XYLT1: variants seen among roughly 807,000 people sequenced by gnomAD.
The protein encoded by XYLT1 is xylosyltransferase 1.
In XYLT1, 36 loss-of-function variants were observed where a neutral mutation model predicts 91.3. The observed-to-expected ratio is 0.39, with a 90% CI of 0.30 to 0.52. The LOEUF (loss-of-function observed/expected upper bound fraction) is 0.52. Among genes scored for constraint, XYLT1 ranks in the 20% least tolerant of loss-of-function variants. The probability of loss-of-function intolerance (pLI) is 0.68; values close to 1 mark genes in which losing one functional copy is unlikely to be tolerated. For synonymous variants in XYLT1, 588 were observed against 532.0 expected (o/e 1.11, Z -1.45); for missense variants, 1,242 against 1,284.5 (o/e 0.97, Z 0.51).
chr16:17,420,698 C>T (rs1415561410), intron 1 of XYLT1, among the ~76,000 whole-genome samples: 7 of 151,386 alleles, frequency 4.6e-5, no homozygotes, highest in Non-Finnish European at 1.0e-4. Flanking sequence ...TTTTTTTTTG[C>T]GAAGGGTGCA....
At chr16:17,371,678 G>A (rs1456487198) in intron 1 of XYLT1, among the ~76,000 whole-genome samples, 1 of 152,168 alleles carries the variant, frequency 6.6e-6, no homozygotes, top group Admixed American at 6.5e-5. Flanking sequence ...CTCCACAGAA[G>A]GAAGGAAGGA....
intron 1 of XYLT1, among the ~76,000 whole-genome samples, chr16:17,398,224 T>A (rs1452068308): frequency 2.0e-5 from 3 of 152,070 alleles, no homozygotes; most frequent in Non-Finnish European, 2.9e-5. Flanking sequence ...ATCTCAGGAG[T>A]CAGAGTGGGC....
intron 8 of XYLT1, chr16:17,137,421 A>AAGTAGCAT (rs1423893968): frequency 1.3e-5 from 2 of 152,098 alleles, no homozygotes; most frequent in Admixed American, 1.3e-4. Context: ...GTGGTTTGGG[A>AAGTAGCAT]AGTAGCATAC....
intron 1 of XYLT1, among the ~76,000 whole-genome samples, chr16:17,403,240 T>G (rs2035991033): frequency 6.6e-6 from 1 of 152,226 alleles, no homozygotes; most frequent in Non-Finnish European, 1.5e-5. Context: ...CTATAGCCAT[T>G]TGACAGATGA....
chr16:17,464,231 A>G (rs556063178), intron 1 of XYLT1, among the ~76,000 whole-genome samples: 2 of 152,156 alleles, frequency 1.3e-5, no homozygotes, highest in African/African-American at 4.8e-5. Flanking sequence ...GCTCACATCT[A>G]TAATCCCAGC....
At chr16:17,197,730 C>A (rs2032458228) in intron 5 of XYLT1, among the ~76,000 whole-genome samples, 1 of 152,200 alleles carries the variant, frequency 6.6e-6, no homozygotes, top group South Asian at 2.1e-4. Context: ...GCTTTGGGAT[C>A]TTTGGGCCTT....
At chr16:17,252,440 A>G (rs966635906) in intron 3 of XYLT1, among the ~76,000 whole-genome samples, 10 of 152,184 alleles carry the variant, frequency 6.6e-5, no homozygotes, top group African/African-American at 2.4e-4. Flanking sequence ...GTGTGGCTCA[A>G]AACAAATTTC....
chr16:17,379,744 C>T (rs966347792), intron 1 of XYLT1, among the ~76,000 whole-genome samples: 4 of 133,026 alleles, frequency 3.0e-5, no homozygotes, highest in African/African-American at 1.2e-4. Flanking sequence ...CTCTCTCTCT[C>T]TCTCTCTCTC....
intron 1 of XYLT1, among the ~76,000 whole-genome samples, chr16:17,402,906 T>C (rs905331824): frequency 6.6e-6 from 1 of 152,108 alleles, no homozygotes; most frequent in Non-Finnish European, 1.5e-5. Flanking sequence ...CACTTGGCTA[T>C]TTTAAAAATT....
At chr16:17,180,983 G>C (rs2032054528) in intron 5 of XYLT1, among the ~76,000 whole-genome samples, 1 of 152,198 alleles carries the variant, frequency 6.6e-6, no homozygotes, top group Admixed American at 6.5e-5. Context: ...TTGAGCATGG[G>C]GATGGGGTGA....
intron 2 of XYLT1, among the ~76,000 whole-genome samples, chr16:17,265,849 G>A (rs542978944): frequency 2.0e-5 from 3 of 152,150 alleles, no homozygotes; most frequent in East Asian, 3.9e-4. Context: ...GTGGGTTGCC[G>A]TGATTTTTAA....
intron 2 of XYLT1, among the ~76,000 whole-genome samples, chr16:17,311,869 T>A (rs143194598): frequency 0.019 from 2,809 of 148,122 alleles, 46 homozygotes; most frequent in Non-Finnish European, 0.031. Flanking sequence ...GCAAAAGGGG[T>A]TTCCCCTTAT....
intron 1 of XYLT1, among the ~76,000 whole-genome samples, chr16:17,452,458 TTTTA>T (rs1340412785): frequency 6.6e-6 from 1 of 152,094 alleles, no homozygotes; most frequent in Non-Finnish European, 1.5e-5. Context: ...TTTAATGGAC[TTTTA>T]TTTTAATTAT....
At chr16:17,233,455 A>G (rs563497221) in intron 3 of XYLT1, among the ~76,000 whole-genome samples, 1 of 152,330 alleles carries the variant, frequency 6.6e-6, no homozygotes, top group Admixed American at 6.5e-5. Flanking sequence ...GAGTCCTCAG[A>G]GCAGAAATTT....
intron 2 of XYLT1, among the ~76,000 whole-genome samples, chr16:17,303,906 T>C (rs375099549): frequency 1.3e-5 from 2 of 152,216 alleles, no homozygotes; most frequent in South Asian, 2.1e-4. Context: ...GATTTATTAA[T>C]TTGTATTTGT....
At chr16:17,326,682 G>A (rs551827674) in intron 2 of XYLT1, among the ~76,000 whole-genome samples, 4 of 151,958 alleles carry the variant, frequency 2.6e-5, no homozygotes, top group East Asian at 1.9e-4. Context: ...AAAATTAGCC[G>A]GGCGTGGTGG....
chr16:17,454,879 G>A (rs7197128), intron 1 of XYLT1, among the ~76,000 whole-genome samples: 14,777 of 133,368 alleles, frequency 0.11, 923 homozygotes, highest in Middle Eastern at 0.17. Context: ...TAATTTTCAC[G>A]CGTCACAAAA....
At chr16:17,252,750 G>C (rs2033561221) in intron 3 of XYLT1, among the ~76,000 whole-genome samples, 1 of 152,164 alleles carries the variant, frequency 6.6e-6, no homozygotes. Context: ...TGAGGGACAG[G>C]AGGAGTGGGG....
At chr16:17,204,952 A>AC (rs972124163) in intron 3 of XYLT1, among the ~76,000 whole-genome samples, 26 of 145,412 alleles carry the variant, frequency 1.8e-4, no homozygotes, top group African/African-American at 6.5e-4. Context: ...CAAAACCCAA[A>AC]CAGTGCCCAG....
Sources: gnomAD v4.1 joint callset for allele counts (sites outside exome capture counted in the v4.1 genomes callset) on GRCh38, gnomAD v4.1.1 for gene constraint, MANE v1.5 for transcripts, NCBI Gene and HGNC (gene_info 2026-07-23, HGNC 2026-07-21) for gene names.